LIN7A: variants seen among roughly 807,000 people sequenced by gnomAD.
LIN7A encodes lin-7 cell polarity scaffold A.
Under a neutral mutation model 29.8 loss-of-function variants are expected in LIN7A, and 25 were observed. The ratio of observed to expected loss-of-function variants is 0.84; its 90% confidence interval spans 0.61 to 1.17. The LOEUF is 1.17. Among genes scored for constraint, LIN7A ranks in the 50% most tolerant of loss-of-function variants. LIN7A has a pLI of 0.00. For synonymous variants in LIN7A, 118 were observed against 107.5 expected (o/e 1.10, Z -0.60); for missense variants, 239 against 287.0 (o/e 0.83, Z 1.21).
At chr12:80,907,053 CTCTGTGTG>C (rs1309450338) in intron 1 of LIN7A, among the ~76,000 whole-genome samples, 96 of 133,014 alleles carry the variant, frequency 7.2e-4, no homozygotes, top group Non-Finnish European at 1.1e-3. Flanking sequence ...AGAGTGCGTG[CTCTGTGTG>C]TGTGTGTGTG....
chr12:80,825,920 T>C (rs1359833530), intron 4 of LIN7A, among the ~76,000 whole-genome samples: 1 of 152,188 alleles, frequency 6.6e-6, no homozygotes, highest in Non-Finnish European at 1.5e-5. Context: ...ATATAAAACA[T>C]CAGGGGGAAA....
intron 4 of LIN7A, among the ~76,000 whole-genome samples, chr12:80,818,666 ATAGAGACC>A (rs1392813833): frequency 6.6e-6 from 1 of 152,212 alleles, no homozygotes; most frequent in Non-Finnish European, 1.5e-5. Context: ...CTTTTTAAAT[ATAGAGACC>A]TAGGCTCTTC....
chr12:80,868,285 C>T (rs1257873731), intron 2 of LIN7A, among the ~76,000 whole-genome samples: 1 of 152,202 alleles, frequency 6.6e-6, no homozygotes, highest in Admixed American at 6.5e-5. Context: ...AGGAAATAAA[C>T]TGGCCAGGAA....
intron 1 of LIN7A, among the ~76,000 whole-genome samples, chr12:80,935,321 G>C (rs1457116248): frequency 6.6e-6 from 1 of 152,158 alleles, no homozygotes; most frequent in Non-Finnish European, 1.5e-5. Context: ...AGCAGCCTGG[G>C]AGAGAGGTGA....
intron 4 of LIN7A, among the ~76,000 whole-genome samples, chr12:80,844,110 T>C (rs1872948927): frequency 6.6e-6 from 1 of 152,108 alleles, no homozygotes; most frequent in Non-Finnish European, 1.5e-5. Flanking sequence ...AAATTGCAAG[T>C]TCATACTCTG....
At chr12:80,915,953 C>A (rs886601089) in intron 1 of LIN7A, among the ~76,000 whole-genome samples, 3 of 152,018 alleles carry the variant, frequency 2.0e-5, no homozygotes, top group African/African-American at 4.8e-5. Flanking sequence ...GTGATGGATT[C>A]ATTCATATTT....
rs1361630025 is a variant in LIN7A at position 80,796,904 on chromosome 12, A to G, written c.*823T>C. 1 of 152,164 alleles carries G rather than the reference A, an allele frequency of 6.6e-6. No homozygotes were observed. The highest frequency in any genetic ancestry group is 6.6e-5 in the Admixed American group (1 of 15,260). The allele number at this position is 152,164 out of a possible 1,614,324, so 9.4% of individuals were successfully genotyped here. ...CTAGGTCCTTTGCTAGTATTCTCTTACTAGATTCTTAATACTTGGTAAGAA... is the reference window on the plus strand; with the variant it reads ...CTAGGTCCTTTGCTAGTATTCTCTTGCTAGATTCTTAATACTTGGTAAGAA... On this transcript the variant is annotated 3_prime_UTR_variant, in exon 6 of 6. Transcript: ENST00000552864.
intron 1 of LIN7A, among the ~76,000 whole-genome samples, chr12:80,912,754 T>A: frequency 6.7e-6 from 1 of 149,438 alleles, no homozygotes; most frequent in African/African-American, 2.5e-5. Context: ...AAGAAAACAC[T>A]CTATAGAAAA....
intron 1 of LIN7A, among the ~76,000 whole-genome samples, chr12:80,919,647 G>T (rs527997580): frequency 6.6e-6 from 1 of 152,182 alleles, no homozygotes; most frequent in African/African-American, 2.4e-5. Flanking sequence ...GAAAGAGAGG[G>T]CAGGAAACAG....
intron 4 of LIN7A, among the ~76,000 whole-genome samples, chr12:80,834,231 C>T: frequency 6.6e-6 from 1 of 152,134 alleles, no homozygotes; most frequent in Non-Finnish European, 1.5e-5. Flanking sequence ...AAGATAGGTT[C>T]AGGCTGATGC....
At chr12:80,878,646 T>G (rs1427234672) in intron 2 of LIN7A, among the ~76,000 whole-genome samples, 1 of 152,204 alleles carries the variant, frequency 6.6e-6, no homozygotes, top group Non-Finnish European at 1.5e-5. Flanking sequence ...CGTGGCCAGC[T>G]TTTATTCCCT....
At chr12:80,937,334 G>A in intron 1 of LIN7A, 1 of 318,328 alleles carries the variant, frequency 3.1e-6, no homozygotes, top group Non-Finnish European at 5.7e-6. Flanking sequence ...CCCGCGCAGC[G>A]GCTCCAACAA....
chr12:80,876,905 T>A (rs1294712607), intron 2 of LIN7A, among the ~76,000 whole-genome samples: 1 of 152,024 alleles, frequency 6.6e-6, no homozygotes, highest in African/African-American at 2.4e-5. Flanking sequence ...GCGGATTACC[T>A]GAGGTCAGGA....
chr12:80,867,351 G>A (rs1874195446), intron 2 of LIN7A, among the ~76,000 whole-genome samples: 1 of 152,118 alleles, frequency 6.6e-6, no homozygotes, highest in African/African-American at 2.4e-5. Flanking sequence ...CTCCTGACAA[G>A]GGAAATTAGA....
intron 1 of LIN7A, among the ~76,000 whole-genome samples, chr12:80,896,885 G>C (rs924169322): frequency 2.0e-5 from 3 of 152,038 alleles, no homozygotes; most frequent in African/African-American, 4.8e-5. Context: ...AAAAACTATA[G>C]TTCTTAAGAG....
chr12:80,933,384 G>A (rs1482965812), intron 1 of LIN7A, among the ~76,000 whole-genome samples: 1 of 152,072 alleles, frequency 6.6e-6, no homozygotes, highest in African/African-American at 2.4e-5. Flanking sequence ...CTGCTTTTAT[G>A]TATACTCTTC....
At chr12:80,921,719 G>A (rs1017659972) in intron 1 of LIN7A, among the ~76,000 whole-genome samples, 4 of 152,050 alleles carry the variant, frequency 2.6e-5, no homozygotes, top group African/African-American at 9.7e-5. Context: ...ATGCATTTTG[G>A]GGGGACAGAA....
chr12:80,821,618 G>A lies in LIN7A; in HGVS notation c.484-9935C>T, dbSNP rs921478106. ...TTGCAGCTGCAGCCAGTCTGGAGTG[G>A]ACACTGCGAAGACACCAGCTACAGT... On this transcript the variant is annotated intron_variant, in intron 4 of 5. Transcript: ENST00000552864. 5.3e-5 allele frequency among the ~76,000 whole-genome samples: 8 copies of A among 152,306 alleles called. No individual in the cohort carries two copies. In the South Asian group the frequency reaches 1.2e-3, roughly 24 times the overall value.
At chr12:80,828,885 C>T (rs1394103971) in intron 4 of LIN7A, among the ~76,000 whole-genome samples, 2 of 151,930 alleles carry the variant, frequency 1.3e-5, no homozygotes, top group African/African-American at 2.4e-5. Context: ...TGTTTCTACA[C>T]GTGGAGAGAG....
Sources: allele counts gnomAD v4.1 joint callset (sites outside exome capture counted in the v4.1 genomes callset), GRCh38; gene constraint gnomAD v4.1.1; transcripts MANE v1.5; gene names NCBI Gene and HGNC (gene_info 2026-07-23, HGNC 2026-07-21).